Variants in SCG3 observed in about 807,000 individuals in gnomAD.
SCG3 encodes secretogranin III.
A neutral mutation model predicts 56.2 loss-of-function variants in SCG3; 38 were observed. The ratio of observed to expected loss-of-function variants is 0.68; its 90% CI spans 0.52 to 0.89. The LOEUF (loss-of-function observed/expected upper bound fraction) is 0.89, where lower values mean the gene tolerates loss of function less well. SCG3 is among the 40% of genes least tolerant of loss of function. The pLI, the probability that SCG3 is intolerant of heterozygous loss-of-function variation, is 0.00. For missense variants in SCG3, 524 were observed against 540.7 expected, an observed-to-expected ratio of 0.97 and a Z score of 0.31; for synonymous variants, 176 against 184.2, an observed-to-expected ratio of 0.96 and a Z score of 0.36.
At chr15:51,714,079 C>T (rs192460805) in intron 11 of SCG3, among the ~76,000 whole-genome samples, 6 of 152,130 alleles carry the variant, frequency 3.9e-5, no homozygotes, top group East Asian at 1.9e-4. Context: ...GGAGGCAGAG[C>T]GAACACTAGG....
chr15:51,716,674 T>C (rs1265437600), intron 11 of SCG3, among the ~76,000 whole-genome samples: 1 of 152,216 alleles, frequency 6.6e-6, no homozygotes, highest in Non-Finnish European at 1.5e-5. Context: ...AGAAGACTTC[T>C]GTGACCAAAT....
chr15:51,696,976 A>G (rs951039468), intron 8 of SCG3, among the ~76,000 whole-genome samples: 2 of 152,166 alleles, frequency 1.3e-5, no homozygotes, highest in Non-Finnish European at 2.9e-5. Context: ...TTTTTTTTCT[A>G]AATGAAAGTA....
At chr15:51,696,734 G>C (rs2055305838) in intron 8 of SCG3, among the ~76,000 whole-genome samples, 1 of 152,078 alleles carries the variant, frequency 6.6e-6, no homozygotes, top group Non-Finnish European at 1.5e-5. Flanking sequence ...GGGTGGGGGA[G>C]GTGCCACACG....
At chr15:51,706,198 G>A (rs1056807606) in intron 10 of SCG3, among the ~76,000 whole-genome samples, 1 of 152,212 alleles carries the variant, frequency 6.6e-6, no homozygotes, top group Non-Finnish European at 1.5e-5. Flanking sequence ...TGTGAGTGGA[G>A]GCAGGGTTGA....
At chr15:51,712,634 C>T (rs947358201) in intron 10 of SCG3, among the ~76,000 whole-genome samples, 2 of 152,162 alleles carry the variant, frequency 1.3e-5, no homozygotes, top group Admixed American at 6.5e-5. Context: ...TGGTAATATC[C>T]GCTTGCAGAC....
intron 10 of SCG3, among the ~76,000 whole-genome samples, chr15:51,706,347 T>C (rs1276745396): frequency 2.0e-5 from 3 of 152,168 alleles, no homozygotes; most frequent in Non-Finnish European, 4.4e-5. Flanking sequence ...AGCTTTGAAA[T>C]GGCCCAAGAA....
intron 11 of SCG3, among the ~76,000 whole-genome samples, chr15:51,717,876 G>C (rs561623836): frequency 7.9e-5 from 12 of 152,326 alleles, no homozygotes; most frequent in Non-Finnish European, 1.6e-4. Context: ...AAAAGGACAT[G>C]GTCTAAACCC....
At chr15:51,688,118 G>T in intron 4 of SCG3, 142 bp from the exon 5 acceptor site, 1 of 762,328 alleles carries the variant, frequency 1.3e-6, no homozygotes, top group Non-Finnish European at 1.9e-6. Flanking sequence ...CAAACCGAGG[G>T]TTTCTGTGGA....
intron 10 of SCG3, 54 bp from the exon 11 acceptor site, chr15:51,713,279 T>G: frequency 9.1e-4 from 1,056 of 1,160,910 alleles, no homozygotes; most frequent in Non-Finnish European, 1.2e-3. Flanking sequence ...GTCTTTAAAA[T>G]GAGATGTAGT....
In SCG3 at chr15:51,683,270, T is replaced by C; in HGVS notation, c.233T>C (p.Leu78Pro). Residue 78 changes from leucine (L) to proline (P), a missense_variant, in exon 4 of 12, where the codon CTA (leucine) becomes CCA (proline). Leu to Pro is a moderately conservative substitution (Grantham distance 98). Transcript: ENST00000220478. ...NYSFVDNLNL[L>P]KAITEKEKIE... ...TCTTTTGTTGATAACTTGAACCTGCTAAAGGCAATAACAGAAAAGGAAAAA... is the reference window on the plus strand; with the variant it reads ...TCTTTTGTTGATAACTTGAACCTGCCAAAGGCAATAACAGAAAAGGAAAAA... The C allele has an allele frequency of 6.2e-7, 1 of 1,613,894 alleles. No homozygotes were observed. The highest frequency in any genetic ancestry group is 1.1e-5 in the South Asian group (1 of 91,070).
At chr15:51,685,652 A>G (rs1567215774) in intron 4 of SCG3, among the ~76,000 whole-genome samples, 1 of 152,236 alleles carries the variant, frequency 6.6e-6, no homozygotes, top group African/African-American at 2.4e-5. Context: ...AGAACCTCAG[A>G]TGCATGTAGA....
Position 51,688,319 on chromosome 15 carries a change from C to T in SCG3, c.457C>T (p.His153Tyr), listed in dbSNP as rs542890198. Residue 153 changes from histidine (H) to tyrosine (Y), a missense_variant, in exon 5 of 12, where the codon CAT becomes TAT. His to Tyr is a moderately conservative substitution (Grantham distance 83). Coordinates refer to ENST00000220478, the MANE Select transcript of SCG3 (RefSeq NM_013243.4). Reference sequence around the variant, plus strand: ...TCCTTTAACCGCTGAAGACATTGTCCATAAAATCGCTGCCAGGATTTATGA... The same window carrying T: ...TCCTTTAACCGCTGAAGACATTGTCTATAAAATCGCTGCCAGGATTTATGA... ...GTPLTAEDIV[H>Y]KIAARIYEEN... 1.2e-6 allele frequency: 2 copies of T among 1,613,734 alleles called. No individual in the cohort carries two copies. Among genetic ancestry groups the T allele is most frequent in the African/African-American group, 1.3e-5 (1 of 74,994 alleles).
intron 11 of SCG3, 87 bp downstream of exon 11, chr15:51,713,500 T>G (rs149039890): frequency 2.3e-6 from 2 of 873,448 alleles, no homozygotes; most frequent in East Asian, 5.5e-5. Flanking sequence ...TCAAATTGAC[T>G]GTGCTAAAGT....
intron 11 of SCG3, among the ~76,000 whole-genome samples, chr15:51,718,195 TAGATAGACAGACAGAC>T (rs1417990619): frequency 0.012 from 1,531 of 124,930 alleles, 17 homozygotes; most frequent in African/African-American, 0.029. Flanking sequence ...GATAGATAGA[TAGATAGACAGACAGAC>T]AGACAGACAG....
intron 11 of SCG3, among the ~76,000 whole-genome samples, chr15:51,717,388 C>T (rs941365215): frequency 1.2e-4 from 18 of 150,516 alleles, no homozygotes; most frequent in African/African-American, 3.7e-4. Flanking sequence ...AAAAAATTAG[C>T]CAGGTGTGGT....
intron 6 of SCG3, among the ~76,000 whole-genome samples, chr15:51,690,708 A>C (rs1264937311): frequency 1.3e-5 from 2 of 152,010 alleles, no homozygotes; most frequent in Non-Finnish European, 2.9e-5. Flanking sequence ...GCTAAAATGG[A>C]CACAGCTATT....
chr15:51,711,648 T>G (rs1414979982), intron 10 of SCG3, among the ~76,000 whole-genome samples: 1 of 152,224 alleles, frequency 6.6e-6, no homozygotes, highest in Non-Finnish European at 1.5e-5. Flanking sequence ...AAATTATTAT[T>G]TATGTATCTG....
At chr15:51,703,995 G>A (rs1017122094) in intron 10 of SCG3, among the ~76,000 whole-genome samples, 1 of 151,380 alleles carries the variant, frequency 6.6e-6, no homozygotes, top group East Asian at 1.9e-4. Flanking sequence ...CAATTGTTTG[G>A]TAGTGGCCCA....
chr15:51,691,971 A>C (rs1163679714), intron 6 of SCG3, among the ~76,000 whole-genome samples, 188 bp from the exon 7 acceptor site: 1 of 152,168 alleles, frequency 6.6e-6, no homozygotes, highest in African/African-American at 2.4e-5. Flanking sequence ...CCTTTCCCTG[A>C]GCTTCAATGA....
Sources: allele counts gnomAD v4.1 joint callset (sites outside exome capture counted in the v4.1 genomes callset), GRCh38; gene constraint gnomAD v4.1.1; transcripts MANE v1.5; gene names NCBI Gene and HGNC (gene_info 2026-07-23, HGNC 2026-07-21).